The following MYBPC1 variants were observed in gnomAD, a reference collection of about 807,000 sequenced individuals.
The protein encoded by MYBPC1 is myosin binding protein C1.
Under a neutral mutation model 147.1 loss-of-function variants are expected in MYBPC1, and 52 were observed. The ratio of observed to expected loss-of-function variants is 0.35; its 90% CI spans 0.28 to 0.45. MYBPC1 has a LOEUF of 0.45. Among genes scored for constraint, MYBPC1 ranks in the 20% least tolerant of loss-of-function variants. The pLI, the probability that MYBPC1 is intolerant of heterozygous loss-of-function variation, is 1.00. For synonymous variants in MYBPC1, 477 were observed against 475.9 expected (o/e 1.00, Z -0.03); for missense variants, 1,228 against 1,440.3 (o/e 0.85, Z 2.39).
intron 4 of MYBPC1, 140 bp from the exon 5 acceptor site, chr12:101,627,629 C>T (rs111876404): frequency 2.2e-6 from 2 of 891,784 alleles, no homozygotes; most frequent in Non-Finnish European, 3.8e-6. Flanking sequence ...GATTTTCCAT[C>T]CAAGCCAACT....
At chr12:101,615,657 C>T (rs1403018276) in intron 2 of MYBPC1, among the ~76,000 whole-genome samples, 10 of 54,350 alleles carry the variant, frequency 1.8e-4, no homozygotes. Context: ...TTATAAGAAC[C>T]CCCCGCCCCC....
chr12:101,666,890 T>A, intron 22 of MYBPC1: 2 of 462,840 alleles, frequency 4.3e-6, no homozygotes, highest in Non-Finnish European at 4.0e-6. Context: ...ACTCATCACA[T>A]ACATACACAC....
chr12:101,598,943 C>T (rs1006541395), intron 1 of MYBPC1, among the ~76,000 whole-genome samples: 1 of 152,120 alleles, frequency 6.6e-6, no homozygotes, highest in Non-Finnish European at 1.5e-5. Context: ...GAGTTGAGGC[C>T]TTAACATGAA....
rs189979124 is a variant in MYBPC1 at position 101,652,132 on chromosome 12, A to G, written c.1527-546A>G. ...TTTAACTTTGAATTCATGGGCTTTT[A>G]GGGTATCATAAATGAACTTTAGGAA... On this transcript the variant is annotated intron_variant, in intron 16 of 31. Transcript: ENST00000361466. 1.1e-4 allele frequency among the ~76,000 whole-genome samples: 16 copies of G among 152,328 alleles called. No individual in the cohort carries two copies. The East Asian group carries it at 3.1e-3, about 29-fold the overall frequency.
At chr12:101,676,704 T>C (rs1189637452) in intron 26 of MYBPC1, among the ~76,000 whole-genome samples, 2 of 152,070 alleles carry the variant, frequency 1.3e-5, no homozygotes, top group East Asian at 1.9e-4. Context: ...TAAGCCAAGA[T>C]TGCATCACTG....
At chr12:101,645,188 A>G (rs778677548) in intron 12 of MYBPC1, among the ~76,000 whole-genome samples, 2 of 152,240 alleles carry the variant, frequency 1.3e-5, no homozygotes, top group Non-Finnish European at 2.9e-5. Context: ...GCTTTTCCAA[A>G]ATAACGACTA....
chr12:101,669,931 AAAAAAAAAG>A (rs1435492032), intron 23 of MYBPC1: 10 of 304,816 alleles, frequency 3.3e-5, no homozygotes, highest in Non-Finnish European at 4.3e-5. Context: ...ACTCTCTGAA[AAAAAAAAAG>A]AAAAAAAAAA....
Position 101,682,625 on chromosome 12 carries a change from C to A in MYBPC1, c.3455C>A (p.Thr1152Asn). 1.2e-6 allele frequency: 2 copies of A among 1,613,020 alleles called. No individual in the cohort carries two copies. The highest frequency in any genetic ancestry group is 1.3e-5 in the African/African-American group (1 of 74,988). ...EVKVIYQGVN[T>N]PGQPVFLEGQ... ...GCAGTGATATATCAAGGAGTAAATA[C>A]CCCTGGACAACCAGTCTTCCTGGAG... Residue 1152 changes from threonine to asparagine, a missense_variant, in exon 30 of 32, where the codon ACC (threonine) becomes AAC (asparagine). Thr to Asn is a moderately conservative substitution (Grantham distance 65, BLOSUM62 0). Coordinates refer to ENST00000361466, the MANE Select transcript of MYBPC1 (RefSeq NM_002465.4).
Position 101,680,638 on chromosome 12 carries a change from C to A in MYBPC1, c.3433+109C>A, listed in dbSNP as rs1462367755. The A allele has an allele frequency of 6.5e-6, 9 of 1,395,312 alleles. No individual in the cohort carries two copies. The East Asian group carries it at 9.4e-5, about 15-fold the overall frequency. The allele number at this position is 1,395,312 out of a possible 1,614,324, so 86.4% of individuals were successfully genotyped here. On this transcript the variant is annotated intron_variant, in intron 29 of 31. Transcript: ENST00000361466. ...CAAATTGCTTGCCAAAATGCTGCAG[C>A]GAGGGTGGGAGAGGGTGGTGAGGGC...
intron 1 of MYBPC1, among the ~76,000 whole-genome samples, chr12:101,597,589 G>A (rs1565867323): frequency 2.0e-5 from 3 of 152,298 alleles, no homozygotes; most frequent in South Asian, 2.1e-4. Flanking sequence ...TTTGGATCTC[G>A]AAGAGGAAGT....
chr12:101,595,353 T>C (rs1876789426), intron 1 of MYBPC1, among the ~76,000 whole-genome samples: 1 of 152,212 alleles, frequency 6.6e-6, no homozygotes, highest in Admixed American at 6.5e-5. Flanking sequence ...CATTCAATTG[T>C]AAAGAATCCT....
intron 1 of MYBPC1, among the ~76,000 whole-genome samples, chr12:101,614,265 A>G (rs1313928903): frequency 6.6e-6 from 1 of 152,048 alleles, no homozygotes; most frequent in African/African-American, 2.4e-5. Context: ...TATATACCAC[A>G]CATAAATGGC....
rs778653008 is a variant in MYBPC1, at chr12:101,666,737, C to A, written c.2357-995C>A. ...CTTTAATTAATTTTAATGACGGATTCTCAAAGGTACATCAGCAAAACAGTC... is the reference window on the plus strand; with the variant it reads ...CTTTAATTAATTTTAATGACGGATTATCAAAGGTACATCAGCAAAACAGTC... On this transcript the variant is annotated intron_variant, in intron 22 of 31. Transcript: ENST00000361466. 3 of 1,612,786 alleles carry A rather than the reference C, an allele frequency of 1.9e-6. No individual in the cohort carries two copies. In the African/African-American group the frequency reaches 4.0e-5, roughly 22 times the overall value.
chr12:101,614,886 C>A, intron 2 of MYBPC1: 1 of 343,550 alleles, frequency 2.9e-6, no homozygotes, highest in Non-Finnish European at 5.5e-6. Flanking sequence ...TAGTGAAGGT[C>A]AAACAAACCC....
intron 14 of MYBPC1, among the ~76,000 whole-genome samples, chr12:101,648,980 A>G (rs1265431877): frequency 6.6e-6 from 1 of 152,208 alleles, no homozygotes; most frequent in Non-Finnish European, 1.5e-5. Context: ...AAGAGCCTAC[A>G]TGGGGGTAAT....
intron 1 of MYBPC1, among the ~76,000 whole-genome samples, chr12:101,609,315 G>A (rs1883426216): frequency 6.6e-6 from 1 of 151,946 alleles, no homozygotes. Context: ...TTCTGGAGAT[G>A]GGGTCTTGCT....
intron 9 of MYBPC1, among the ~76,000 whole-genome samples, chr12:101,635,336 TGAATCCACATACA>T (rs1318761820): frequency 3.3e-5 from 5 of 152,272 alleles, no homozygotes; most frequent in East Asian, 1.9e-4. Flanking sequence ...TTCCGAAGAC[TGAATCCACATACA>T]GAATCCACAT....
chr12:101,622,317 C>T (rs1887615706), intron 3 of MYBPC1, among the ~76,000 whole-genome samples: 1 of 152,190 alleles, frequency 6.6e-6, no homozygotes, highest in Non-Finnish European at 1.5e-5. Context: ...TTAAACATTT[C>T]AGTCTCATCG....
rs751957485 is a variant in MYBPC1 at position 101,677,218 on chromosome 12, A to AT, written c.2950-8dup. On this transcript the variant is annotated splice_polypyrimidine_tract_variant and intron_variant, in intron 26 of 31. Coordinates refer to ENST00000361466, the MANE Select transcript of MYBPC1 (RefSeq NM_002465.4). ...TTTAGGTGATTTTCCTCCAGTTATT[A>AT]TTTTTTTTTCTTTTAGGAATGGTTT... 2.8e-4 allele frequency: 443 copies of AT among 1,583,106 alleles called. No homozygotes were observed. The highest frequency in any genetic ancestry group is 2.5e-4 in the Non-Finnish European group (293 of 1,156,104).
Sources: allele counts gnomAD v4.1 joint callset (sites outside exome capture counted in the v4.1 genomes callset), GRCh38; gene constraint gnomAD v4.1.1; transcripts MANE v1.5; gene names NCBI Gene and HGNC (gene_info 2026-07-23, HGNC 2026-07-21).